The following SCFD2 variants were observed in gnomAD, a reference collection of about 807,000 sequenced individuals.
The protein encoded by SCFD2 is sec1 family domain-containing protein 2.
SCFD2 carries 54 observed loss-of-function variants against 58.9 expected under a neutral mutation model. The ratio of observed to expected loss-of-function variants is 0.92; its 90% CI spans 0.74 to 1.15. The LOEUF (loss-of-function observed/expected upper bound fraction) is 1.15. Among genes scored for constraint, SCFD2 ranks in the 50% most tolerant of loss-of-function variants. SCFD2 has a pLI of 0.00. For synonymous variants in SCFD2, 321 were observed against 335.9 expected, an observed-to-expected ratio of 0.96 and a Z score of 0.49; for missense variants, 805 against 836.6, an observed-to-expected ratio of 0.96 and a Z score of 0.47.
intron 4 of SCFD2, among the ~76,000 whole-genome samples, chr4:53,198,259 T>C (rs940398971): frequency 8.6e-5 from 13 of 152,042 alleles, no homozygotes; most frequent in South Asian, 2.1e-4. Flanking sequence ...CCTCCTATCA[T>C]CTTAGGCAAG....
chr4:53,249,470 T>A (rs1730264115), intron 4 of SCFD2, among the ~76,000 whole-genome samples: 1 of 151,932 alleles, frequency 6.6e-6, no homozygotes, highest in South Asian at 2.1e-4. Context: ...ACAAAGATAA[T>A]CCTTGAGAAG....
intron 2 of SCFD2, among the ~76,000 whole-genome samples, chr4:53,350,031 G>C (rs543495433): frequency 6.6e-6 from 1 of 152,288 alleles, no homozygotes; most frequent in East Asian, 1.9e-4. Context: ...CCACCTCATA[G>C]AGATATTGTG....
At chr4:53,245,858 A>C (rs1730052563) in intron 4 of SCFD2, among the ~76,000 whole-genome samples, 1 of 152,168 alleles carries the variant, frequency 6.6e-6, no homozygotes, top group African/African-American at 2.4e-5. Flanking sequence ...CAGAGCAATT[A>C]GGCAAGAGAA....
intron 4 of SCFD2, among the ~76,000 whole-genome samples, chr4:53,227,932 A>T (rs1485884753): frequency 6.6e-6 from 1 of 152,190 alleles, no homozygotes; most frequent in East Asian, 1.9e-4. Flanking sequence ...TATATTTTCA[A>T]ATAAGCTCTT....
intron 4 of SCFD2, among the ~76,000 whole-genome samples, chr4:53,218,176 T>G (rs1183437400): frequency 6.6e-6 from 1 of 152,168 alleles, no homozygotes; most frequent in Non-Finnish European, 1.5e-5. Context: ...TTTCCGGAAT[T>G]GGAATGTTGG....
chr4:52,999,132 T>C (rs900513), intron 5 of SCFD2, among the ~76,000 whole-genome samples: 52,006 of 152,072 alleles, frequency 0.34, 9,967 homozygotes, highest in Admixed American at 0.47. Flanking sequence ...TTCAAGAGTG[T>C]TGGCGAGTAA....
At chr4:53,196,257 C>A (rs1163688501) in intron 4 of SCFD2, among the ~76,000 whole-genome samples, 1 of 152,076 alleles carries the variant, frequency 6.6e-6, no homozygotes, top group Non-Finnish European at 1.5e-5. Context: ...CTTCACAATG[C>A]TACATTTTAA....
chr4:53,189,698 G>A (rs1727839248), intron 4 of SCFD2, among the ~76,000 whole-genome samples: 1 of 152,058 alleles, frequency 6.6e-6, no homozygotes, highest in Non-Finnish European at 1.5e-5. Context: ...TTCAACATAG[G>A]GATTTGGAAG....
At chr4:53,237,612 C>T (rs1393826225) in intron 4 of SCFD2, among the ~76,000 whole-genome samples, 7 of 118,284 alleles carry the variant, frequency 5.9e-5, no homozygotes, top group Non-Finnish European at 1.1e-4. Context: ...CGCCCCTCAC[C>T]TCCCGGACGG....
intron 4 of SCFD2, among the ~76,000 whole-genome samples, chr4:53,151,504 A>T (rs1338053344): frequency 6.6e-6 from 1 of 152,166 alleles, no homozygotes; most frequent in Non-Finnish European, 1.5e-5. Context: ...TAGTTCAATT[A>T]AAATGCCACT....
intron 5 of SCFD2, among the ~76,000 whole-genome samples, chr4:53,116,870 G>A (rs2148889004): frequency 6.6e-6 from 1 of 152,288 alleles, no homozygotes; most frequent in Non-Finnish European, 1.5e-5. Context: ...TCCTTTGGAT[G>A]CCAACAGGTC....
chr4:53,139,026 A>G (rs963795002), intron 5 of SCFD2, among the ~76,000 whole-genome samples: 1 of 152,184 alleles, frequency 6.6e-6, no homozygotes, highest in African/African-American at 2.4e-5. Flanking sequence ...GCGCGCCGCC[A>G]CGCGTGACTG....
At chr4:53,051,017 C>G (rs757696507) in intron 5 of SCFD2, among the ~76,000 whole-genome samples, 1 of 152,160 alleles carries the variant, frequency 6.6e-6, no homozygotes, top group Non-Finnish European at 1.5e-5. Context: ...GCCTTTATTA[C>G]AATTTCATAA....
At chr4:53,313,586 G>A (rs751027288) in intron 3 of SCFD2, 50 bp downstream of exon 3, 1 of 1,610,836 alleles carries the variant, frequency 6.2e-7, no homozygotes, top group Non-Finnish European at 8.5e-7. Flanking sequence ...TTCAGAACAG[G>A]TTTAAATAAG....
chr4:53,255,184 C>CT lies in SCFD2; in HGVS notation c.1311+18641dup, dbSNP rs879843773. On this transcript the variant is annotated intron_variant, in intron 4 of 8. Coordinates refer to ENST00000401642, the MANE Select transcript of SCFD2 (RefSeq NM_152540.4). ...CTGCACCCAGCAAATACTTCCTATT[C>CT]TTTTTTTTTCTTTTTTATTTATTTA... Among the ~76,000 whole-genome samples the CT allele has an allele frequency of 1.0e-3, 116 of 114,500 alleles. 1 individual carries two copies. Among genetic ancestry groups the CT allele is most frequent in the African/African-American group, 2.8e-3 (93 of 33,532 alleles). The allele number at this position is 114,500 out of a possible 152,430, so 75.1% of individuals were successfully genotyped here.
chr4:53,153,743 A>G (rs1265983707), intron 4 of SCFD2, among the ~76,000 whole-genome samples: 1 of 152,148 alleles, frequency 6.6e-6, no homozygotes, highest in Non-Finnish European at 1.5e-5. Context: ...CCAAATTTTT[A>G]TGCTTTGCTT....
At chr4:53,301,425 C>G (rs1428856824) in intron 3 of SCFD2, among the ~76,000 whole-genome samples, 1 of 151,846 alleles carries the variant, frequency 6.6e-6, no homozygotes, top group Non-Finnish European at 1.5e-5. Flanking sequence ...CTGAATAGAC[C>G]AATAACAGGC....
chr4:53,215,521 C>G (rs1167302428), intron 4 of SCFD2, among the ~76,000 whole-genome samples: 1 of 152,124 alleles, frequency 6.6e-6, no homozygotes, highest in East Asian at 1.9e-4. Context: ...GCTGAAGTTG[C>G]TTATCAGCTG....
chr4:53,332,955 C>G (rs1345410355), intron 2 of SCFD2, among the ~76,000 whole-genome samples: 1 of 151,336 alleles, frequency 6.6e-6, no homozygotes, highest in East Asian at 1.9e-4. Flanking sequence ...ACACCAATAA[C>G]AGACAAACAG....
Sources: allele counts gnomAD v4.1 joint callset (sites outside exome capture counted in the v4.1 genomes callset), GRCh38; gene constraint gnomAD v4.1.1; transcripts MANE v1.5; gene names NCBI Gene and HGNC (gene_info 2026-07-23, HGNC 2026-07-21).